Variants in SCFD2 observed in about 807,000 individuals in gnomAD.
SCFD2 encodes sec1 family domain-containing protein 2.
Under a neutral mutation model 58.9 loss-of-function variants are expected in SCFD2, and 54 were observed. The observed-to-expected ratio is 0.92, with a 90% CI of 0.74 to 1.15. SCFD2 has a LOEUF of 1.15. SCFD2 is among the 50% of genes most tolerant of loss of function. The pLI is 0.00. For missense variants in SCFD2, 805 were observed against 836.6 expected (o/e 0.96, Z 0.47); for synonymous variants, 321 against 335.9 (o/e 0.96, Z 0.49).
chr4:53,113,074 A>G (rs1469514662), intron 5 of SCFD2, among the ~76,000 whole-genome samples: 1 of 152,098 alleles, frequency 6.6e-6, no homozygotes, highest in African/African-American at 2.4e-5. Flanking sequence ...CTACCACGTT[A>G]GTCACATTTT....
At chr4:53,179,720 G>A (rs1458516649) in intron 4 of SCFD2, among the ~76,000 whole-genome samples, 1 of 152,118 alleles carries the variant, frequency 6.6e-6, no homozygotes, top group Non-Finnish European at 1.5e-5. Context: ...TGGATCAAGA[G>A]TCAAGACCCA....
chr4:53,007,335 G>GAGAGAGAGGGAGAGA (rs1560508028), intron 5 of SCFD2, among the ~76,000 whole-genome samples: 1 of 39,222 alleles, frequency 2.5e-5, no homozygotes, highest in Admixed American at 3.1e-4. Context: ...AGAGAGAGAG[G>GAGAGAGAGGGAGAGA]GAGAGAGAGA....
At chr4:53,243,787 G>C (rs1218972329) in intron 4 of SCFD2, among the ~76,000 whole-genome samples, 2 of 151,992 alleles carry the variant, frequency 1.3e-5, no homozygotes, top group Non-Finnish European at 2.9e-5. Context: ...ACAAAATAAA[G>C]GGATGGAGAA....
At chr4:53,351,501 A>G (rs1734219101) in intron 2 of SCFD2, among the ~76,000 whole-genome samples, 1 of 152,230 alleles carries the variant, frequency 6.6e-6, no homozygotes, top group Non-Finnish European at 1.5e-5. Flanking sequence ...CCCAACAAAA[A>G]GAGTGTTTGA....
At chr4:53,069,832 T>C (rs1420659130) in intron 5 of SCFD2, among the ~76,000 whole-genome samples, 1 of 152,054 alleles carries the variant, frequency 6.6e-6, no homozygotes, top group Non-Finnish European at 1.5e-5. Flanking sequence ...CCCTGACACT[T>C]AAATATTTTA....
rs1322944651 is a variant in SCFD2 at position 53,352,888 on chromosome 4, A to T, written c.839-122T>A. 1.3e-5 allele frequency: 11 copies of T among 856,996 alleles called. No homozygotes were observed. In the African/African-American group the frequency reaches 1.9e-4, roughly 15 times the overall value. The allele number at this position is 856,996 out of a possible 1,614,324, so 53.1% of individuals were successfully genotyped here. A position where few individuals can be genotyped will look rare whatever the true frequency, so the allele number is the denominator to read the frequency against. ...ACATTTTTAGTTTCTGTTCAACAAA[A>T]CTCACATTTTGCCCTTCATACAGCT... On this transcript the variant is annotated intron_variant, in intron 1 of 8. Transcript: ENST00000401642.
In SCFD2 at chr4:52,992,721, G is replaced by C. The variant is rs1389203417; in HGVS notation, c.1562-71851C>G. Reference sequence around the variant, plus strand: ...AGGAGCGTCTCCGCCCGGCCGCCCCGTCTGAGAAGTGAAGAGCCCCTCCGC... The same window carrying C: ...AGGAGCGTCTCCGCCCGGCCGCCCCCTCTGAGAAGTGAAGAGCCCCTCCGC... On this transcript the variant is annotated intron_variant, in intron 5 of 8. Coordinates refer to ENST00000401642, the MANE Select transcript of SCFD2 (RefSeq NM_152540.4). Among the ~76,000 whole-genome samples the C allele has an allele frequency of 1.3e-5, 2 of 151,958 alleles. 1 individual carries two copies. The highest frequency in any genetic ancestry group is 4.1e-4 in the South Asian group (2 of 4,820).
chr4:53,112,596 G>A (rs1277943469), intron 5 of SCFD2, among the ~76,000 whole-genome samples: 1 of 152,110 alleles, frequency 6.6e-6, no homozygotes, highest in Non-Finnish European at 1.5e-5. Context: ...GAGTGAAGTA[G>A]TGTGACATGG....
intron 4 of SCFD2, among the ~76,000 whole-genome samples, chr4:53,224,735 G>C (rs1239576541): frequency 3.3e-5 from 5 of 151,816 alleles, no homozygotes; most frequent in Admixed American, 6.6e-5. Flanking sequence ...TAAGTTTTGG[G>C]GTAATTTGCT....
intron 3 of SCFD2, among the ~76,000 whole-genome samples, chr4:53,278,136 G>A (rs1731390145): frequency 1.3e-5 from 2 of 152,096 alleles, no homozygotes; most frequent in South Asian, 2.1e-4. Context: ...GGAGGCCGAG[G>A]TGGGTGGATC....
intron 5 of SCFD2, among the ~76,000 whole-genome samples, chr4:53,130,640 A>G (rs1283933869): frequency 1.3e-5 from 2 of 152,200 alleles, no homozygotes; most frequent in Non-Finnish European, 2.9e-5. Flanking sequence ...GCCAAAGGGT[A>G]TCCCATCCCC....
At chr4:53,345,962 C>G (rs1378529245) in intron 2 of SCFD2, among the ~76,000 whole-genome samples, 1 of 151,738 alleles carries the variant, frequency 6.6e-6, no homozygotes, top group Admixed American at 6.6e-5. Flanking sequence ...TTAGGGGGGG[C>G]TTGGGGAGGG....
At chr4:52,901,346 G>T (rs765892029) in intron 7 of SCFD2, among the ~76,000 whole-genome samples, 1 of 152,146 alleles carries the variant, frequency 6.6e-6, no homozygotes, top group East Asian at 1.9e-4. Flanking sequence ...CTTTAACCTG[G>T]GTGGGCATTT....
chr4:52,986,634 GACT>G (rs529434590), intron 5 of SCFD2, among the ~76,000 whole-genome samples: 61 of 151,382 alleles, frequency 4.0e-4, no homozygotes, highest in Admixed American at 3.8e-3. Context: ...GAGTAGCTGG[GACT>G]ACAGGCGCCC....
At chr4:52,990,608 G>A (rs1721594184) in intron 5 of SCFD2, among the ~76,000 whole-genome samples, 1 of 152,138 alleles carries the variant, frequency 6.6e-6, no homozygotes, top group Non-Finnish European at 1.5e-5. Context: ...ATCATGTAAA[G>A]TACAAAGTTA....
chr4:53,238,618 G>A (rs528441673), intron 4 of SCFD2, among the ~76,000 whole-genome samples: 31 of 151,632 alleles, frequency 2.0e-4, no homozygotes, highest in African/African-American at 7.3e-4. Flanking sequence ...GCGGCTGCCA[G>A]GCGGAGGAGC....
intron 4 of SCFD2, among the ~76,000 whole-genome samples, chr4:53,183,202 C>T (rs1316102418): frequency 1.3e-5 from 2 of 152,226 alleles, no homozygotes; most frequent in East Asian, 1.9e-4. Context: ...CACACGCACA[C>T]GTATGTTTAT....
At chr4:53,326,253 C>T (rs1733193528) in intron 2 of SCFD2, among the ~76,000 whole-genome samples, 1 of 152,124 alleles carries the variant, frequency 6.6e-6, no homozygotes, top group East Asian at 1.9e-4. Context: ...AGCAATCCTC[C>T]CACCTCAGCC....
intron 3 of SCFD2, among the ~76,000 whole-genome samples, chr4:53,311,792 C>T (rs528225965): frequency 2.0e-5 from 3 of 152,110 alleles, no homozygotes; most frequent in Admixed American, 2.0e-4. Context: ...CGCGCCACCA[C>T]ACCCAGCTAA....
Sources: allele counts gnomAD v4.1 joint callset (sites outside exome capture counted in the v4.1 genomes callset), GRCh38; gene constraint gnomAD v4.1.1; transcripts MANE v1.5; gene names NCBI Gene and HGNC (gene_info 2026-07-23, HGNC 2026-07-21).